SMG6: variants seen among roughly 807,000 people sequenced by gnomAD.
SMG6 encodes the protein SMG6 nonsense mediated mRNA decay factor.
A neutral mutation model predicts 142.2 loss-of-function variants in SMG6; 66 were observed. The observed-to-expected ratio is 0.46, with a 90% CI of 0.38 to 0.57. SMG6 has a LOEUF of 0.57. SMG6 is among the 20% of genes least tolerant of loss of function. The probability of loss-of-function intolerance (pLI) is 0.00; values close to 1 mark genes in which losing one functional copy is unlikely to be tolerated. For synonymous variants in SMG6, 779 were observed against 702.4 expected (o/e 1.11, Z -1.72); for missense variants, 1,793 against 1,832.0 (o/e 0.98, Z 0.39).
intron 10 of SMG6, among the ~76,000 whole-genome samples, chr17:2,226,256 CAA>C (rs2073313871): frequency 7.1e-6 from 1 of 140,076 alleles, no homozygotes. Context: ...GCCTAGGAAA[CAA>C]GAGTGAAACT....
At chr17:2,177,647 G>A (rs1045324169) in intron 12 of SMG6, among the ~76,000 whole-genome samples, 3 of 152,168 alleles carry the variant, frequency 2.0e-5, no homozygotes, top group Admixed American at 1.3e-4. Context: ...GAACAAACCC[G>A]GAAAGAGTTG....
intron 8 of SMG6, among the ~76,000 whole-genome samples, chr17:2,269,578 A>C (rs866963186): frequency 6.6e-6 from 1 of 152,062 alleles, no homozygotes; most frequent in Non-Finnish European, 1.5e-5. Context: ...TTGCTAACCA[A>C]CTTTCACTTT....
chr17:2,083,184 T>A (rs1395500700), intron 14 of SMG6, among the ~76,000 whole-genome samples: 2 of 152,166 alleles, frequency 1.3e-5, no homozygotes, highest in Admixed American at 6.5e-5. Flanking sequence ...TGGCTCAGCA[T>A]CGTGAGGCCT....
chr17:2,278,206 T>C (rs2074704838), intron 8 of SMG6, among the ~76,000 whole-genome samples: 1 of 29,966 alleles, frequency 3.3e-5, no homozygotes, highest in Non-Finnish European at 1.1e-4. Flanking sequence ...TATATATACT[T>C]TTTTTTTTTT....
At chr17:2,158,781 G>A (rs886780851) in intron 13 of SMG6, among the ~76,000 whole-genome samples, 1 of 151,562 alleles carries the variant, frequency 6.6e-6, no homozygotes, top group Non-Finnish European at 1.5e-5. Context: ...GACAGGTGTG[G>A]TGGCGTGCAC....
At chr17:2,079,111 C>A (rs1417285014) in intron 15 of SMG6, among the ~76,000 whole-genome samples, 3 of 151,992 alleles carry the variant, frequency 2.0e-5, no homozygotes, top group Non-Finnish European at 4.4e-5. Flanking sequence ...CTACAGGCAC[C>A]CGCCACCACA....
In SMG6 at chr17:2,300,664, TC is replaced by T; in HGVS notation, c.89-1del. 6.4e-7 allele frequency: 1 copy of T among 1,570,624 alleles called. No homozygotes were observed. Among genetic ancestry groups the T allele is most frequent in the African/African-American group, 1.4e-5 (1 of 72,764 alleles). On this transcript the variant is annotated splice_acceptor_variant, in intron 1 of 18. Coordinates refer to ENST00000263073, the MANE Select transcript of SMG6 (RefSeq NM_017575.5). LOFTEE classifies it high-confidence loss of function. ...GGCCTCCTTTAATTCCTTCATGTTT[TC>T]TGTTATGTCGGGGAAAGAGTTTGGG...
At chr17:2,279,363 C>T (rs1440790201) in intron 8 of SMG6, among the ~76,000 whole-genome samples, 5 of 152,104 alleles carry the variant, frequency 3.3e-5, no homozygotes, top group Admixed American at 2.0e-4. Flanking sequence ...GTAGCAGGAG[C>T]CAGATCATGA....
chr17:2,118,263 C>T (rs763527686), intron 13 of SMG6, among the ~76,000 whole-genome samples: 11 of 152,086 alleles, frequency 7.2e-5, no homozygotes, highest in Middle Eastern at 3.4e-3. Context: ...CAGGAATGGG[C>T]GCAGTGGCTC....
intron 10 of SMG6, among the ~76,000 whole-genome samples, chr17:2,193,431 G>A (rs1376272035): frequency 6.6e-6 from 1 of 152,052 alleles, no homozygotes; most frequent in Non-Finnish European, 1.5e-5. Flanking sequence ...ATGCAAGAAC[G>A]GCCTAATGCA....
intron 13 of SMG6, among the ~76,000 whole-genome samples, chr17:2,153,867 T>C (rs1389952342): frequency 3.8e-5 from 4 of 103,998 alleles, no homozygotes; most frequent in Non-Finnish European, 5.5e-5. Flanking sequence ...GGGATGCACG[T>C]AGAGTGTGCG....
chr17:2,193,633 T>C lies in SMG6; in HGVS notation c.2870-5118A>G, dbSNP rs73979423. Among the ~76,000 whole-genome samples the C allele has an allele frequency of 3.9e-3, 594 of 152,240 alleles. 5 individuals carry two copies. The highest frequency in any genetic ancestry group is 0.014 in the African/African-American group (567 of 41,540). ...CACTTGAGTGCCCAATTGTGGAGGA[T>C]ATAAAGGAAAGTAGGATCCTGTCTG... On this transcript the variant is annotated intron_variant, in intron 10 of 18. Transcript: ENST00000263073.
intron 13 of SMG6, among the ~76,000 whole-genome samples, chr17:2,119,908 C>T (rs1406492087): frequency 3.9e-5 from 6 of 152,270 alleles, no homozygotes; most frequent in South Asian, 2.1e-4. Context: ...GCGATCCACC[C>T]GCCTCGGCCT....
chr17:2,251,878 G>T (rs1200593851), intron 8 of SMG6, among the ~76,000 whole-genome samples: 1 of 151,960 alleles, frequency 6.6e-6, no homozygotes, highest in African/African-American at 2.4e-5. Flanking sequence ...GAGGCGGGCG[G>T]ATCACCTGAG....
intron 13 of SMG6, among the ~76,000 whole-genome samples, chr17:2,117,337 A>C (rs963605423): frequency 1.3e-5 from 2 of 152,192 alleles, no homozygotes; most frequent in African/African-American, 4.8e-5. Flanking sequence ...AAAAACGCTG[A>C]AAGCATAAAA....
rs148420150 is a variant in SMG6, at chr17:2,165,429, C to T, written c.3357+7229G>A. ...CTTCCCACTCCCTTGAGGTTAATGA[C>T]TTGCTAATATAGCTTATTCTTTATC... is the stretch of plus-strand genomic sequence containing the variant. On this transcript the variant is annotated intron_variant, in intron 13 of 18. Transcript: ENST00000263073. Among the ~76,000 whole-genome samples, 170 of 152,364 alleles carry T rather than the reference C, an allele frequency of 1.1e-3. 2 individuals carry two copies. The East Asian group carries it at 0.014, about 12-fold the overall frequency.
chr17:2,180,944 A>G (rs1032685903), intron 12 of SMG6, among the ~76,000 whole-genome samples: 1 of 152,198 alleles, frequency 6.6e-6, no homozygotes, highest in Non-Finnish European at 1.5e-5. Flanking sequence ...AAGGGGCACT[A>G]AACAGCAGCC....
At chr17:2,102,186 AC>A (rs1689020553) in intron 13 of SMG6, among the ~76,000 whole-genome samples, 1 of 152,182 alleles carries the variant, frequency 6.6e-6, no homozygotes, top group Non-Finnish European at 1.5e-5. Context: ...CTAGTCCTTT[AC>A]AAAATTTTAT....
chr17:2,132,607 T>A (rs747268932), intron 13 of SMG6, among the ~76,000 whole-genome samples: 116 of 152,336 alleles, frequency 7.6e-4, no homozygotes, highest in African/African-American at 2.1e-3. Flanking sequence ...GCCTCTGGAT[T>A]CTCTGCAGAC....
Sources: allele counts gnomAD v4.1 joint callset (sites outside exome capture counted in the v4.1 genomes callset), GRCh38; gene constraint gnomAD v4.1.1; transcripts MANE v1.5; gene names NCBI Gene and HGNC (gene_info 2026-07-23, HGNC 2026-07-21).